Variants in HABP2 observed in about 807,000 individuals in gnomAD.
HABP2 encodes hyaluronan binding protein 2, also known as factor VII-activating protease.
A neutral mutation model predicts 66.5 loss-of-function variants in HABP2; 65 were observed. The ratio of observed to expected loss-of-function variants is 0.98; its 90% CI spans 0.80 to 1.20. The LOEUF (loss-of-function observed/expected upper bound fraction) is 1.20. HABP2 is among the 50% of genes most tolerant of loss of function. The pLI is 0.00. For synonymous variants in HABP2, 263 were observed against 253.9 expected (o/e 1.04, Z -0.34); for missense variants, 786 against 691.0 (o/e 1.14, Z -1.54).
chr10:113,578,035 T>G lies in HABP2; in HGVS notation c.458T>G (p.Val153Gly). The G allele has an allele frequency of 2.5e-6, 4 of 1,614,146 alleles. No homozygotes were observed. The highest frequency in any genetic ancestry group is 3.4e-6 in the Non-Finnish European group (4 of 1,180,014). Residue 153 changes from valine to glycine, a missense_variant, in exon 6 of 13, where the codon GTA becomes GGA. By Grantham distance (109) the Val-to-Gly change is moderately radical. Coordinates refer to ENST00000351270, the MANE Select transcript of HABP2 (RefSeq NM_004132.5). Reference protein sequence around the residue: ...TGPSCSQVVPVCRPNPCQNGA... With the variant: ...TGPSCSQVVPGCRPNPCQNGA... ...ATTCCTGTGTTCACAGTGGTTCCTG[T>G]ATGCAGGCCAAACCCCTGCCAGAAT...
intron 11 of HABP2, among the ~76,000 whole-genome samples, chr10:113,585,370 G>C (rs1845614275): frequency 6.6e-6 from 1 of 152,188 alleles, no homozygotes; most frequent in South Asian, 2.1e-4. Context: ...TGTTTTGATT[G>C]ATGTCATTAT....
At chr10:113,586,012 C>A in intron 12 of HABP2, 74 bp downstream of exon 12, 2 of 1,374,346 alleles carry the variant, frequency 1.5e-6, no homozygotes, top group Non-Finnish European at 2.1e-6. Flanking sequence ...ACCCTTAGAG[C>A]CCTGGGCTGG....
Position 113,588,420 on chromosome 10 carries a change from G to A in HABP2, c.*51G>A, listed in dbSNP as rs761211480. ...CCACTCTCCTTGGCACCCTGACACC[G>A]GGAGGCCTCATGGCCAACAATGGAC... is the stretch of plus-strand genomic sequence containing the variant. On this transcript the variant is annotated 3_prime_UTR_variant, in exon 13 of 13. Transcript: ENST00000351270. The A allele has an allele frequency of 1.8e-4, 258 of 1,474,048 alleles. No individual in the cohort carries two copies. Among genetic ancestry groups the A allele is most frequent in the Non-Finnish European group, 2.3e-4 (246 of 1,078,206 alleles). The allele number at this position is 1,474,048 out of a possible 1,614,324, so 91.3% of individuals were successfully genotyped here.
chr10:113,578,584 C>G, intron 6 of HABP2, 43 bp from the exon 7 acceptor site: 1 of 1,472,480 alleles, frequency 6.8e-7, no homozygotes. Flanking sequence ...GAGTGGCATG[C>G]CAATGGCTGT....
intron 2 of HABP2, 22 bp from the exon 3 acceptor site, chr10:113,574,267 T>C (rs1845366579): frequency 5.1e-6 from 6 of 1,175,176 alleles, no homozygotes; most frequent in Non-Finnish European, 7.7e-6. Context: ...GGATTTCTTC[T>C]GTCCTGTTAC....
intron 9 of HABP2, 95 bp downstream of exon 9, chr10:113,582,226 A>AT: frequency 7.9e-7 from 1 of 1,260,276 alleles, no homozygotes; most frequent in South Asian, 1.5e-5. Flanking sequence ...CTCTGTCAGG[A>AT]TTAGGGGGTC....
At chr10:113,582,481 T>C (rs1845558838) in intron 9 of HABP2, among the ~76,000 whole-genome samples, 1 of 151,688 alleles carries the variant, frequency 6.6e-6, no homozygotes, top group South Asian at 2.1e-4. Context: ...AGGAAAAGAG[T>C]TTATTGTTAT....
In HABP2 at chr10:113,587,889, C is replaced by A. The variant is rs932653; in HGVS notation, c.1519-316C>A. Among the ~76,000 whole-genome samples the A allele has an allele frequency of 0.36, 54,101 of 151,718 alleles. 9,830 individuals carry two copies. Among genetic ancestry groups the A allele is most frequent in the Admixed American group, 0.46 (6,959 of 15,230 alleles). On this transcript the variant is annotated intron_variant, in intron 12 of 12. Transcript: ENST00000351270. The stretch of plus-strand genomic sequence containing the variant: ...GCTGCCTTGGAGTCCCCAACCTCCT[C>A]CCCTATGTGTGCTGAGGGCCCCCGA...
In HABP2 at chr10:113,583,327, TG is replaced by T; in HGVS notation, c.1207del (p.Glu403LysfsTer15). ...AGATATTCAAGTACAGCCACTACAA[TG>T]AAAGAGATGAGATTCCCCACAATGA... ...EKIFKYSHYN[E>X]RDEIPHNDIA... On this transcript the variant is annotated frameshift_variant, in exon 10 of 13. Coordinates refer to ENST00000351270, the MANE Select transcript of HABP2 (RefSeq NM_004132.5). LOFTEE classifies it high-confidence loss of function. The T allele has an allele frequency of 6.2e-7, 1 of 1,612,902 alleles. No individual in the cohort carries two copies. The highest frequency in any genetic ancestry group is 8.5e-7 in the Non-Finnish European group (1 of 1,178,854).
Position 113,589,550 on chromosome 10 carries a change from A to ACACTT in HABP2, c.*1183_*1187dup, listed in dbSNP as rs1845816647. The ACACTT allele has an allele frequency of 1.6e-6, 2 of 1,285,494 alleles. No individual in the cohort carries two copies. The highest frequency in any genetic ancestry group is 2.9e-5 in the South Asian group (2 of 70,140). The allele number at this position is 1,285,494 out of a possible 1,614,324, so 79.6% of individuals were successfully genotyped here. A position where few individuals can be genotyped will look rare whatever the true frequency, so the allele number is the denominator to read the frequency against. ...AGGCGCCTTGTTTGAGCTGCGTTTC[A>ACACTT]CACTTCTTTAGAGCTAGCTGACCTT... On this transcript the variant is annotated 3_prime_UTR_variant, in exon 13 of 13. Coordinates refer to ENST00000351270, the MANE Select transcript of HABP2 (RefSeq NM_004132.5).
chr10:113,576,028 C>T (rs201627312), intron 4 of HABP2, 24 bp downstream of exon 4: 1 of 1,209,508 alleles, frequency 8.3e-7, no homozygotes, highest in African/African-American at 1.5e-5. Flanking sequence ...CACTAGTCCA[C>T]TCTTCCCTCT....
rs962495930 is a variant in HABP2 at position 113,576,107 on chromosome 10, T to G, written c.331+103T>G. On this transcript the variant is annotated intron_variant, in intron 4 of 12. Coordinates refer to ENST00000351270, the MANE Select transcript of HABP2 (RefSeq NM_004132.5). Reference sequence around the variant, plus strand: ...GCAATGCCATGGAAAGGATTATAACTGCAATACTGTATCATGCATAGTGTA... The same window carrying G: ...GCAATGCCATGGAAAGGATTATAACGGCAATACTGTATCATGCATAGTGTA... 2.1e-5 allele frequency: 15 copies of G among 727,368 alleles called. No individual in the cohort carries two copies. The South Asian group carries it at 2.4e-4, about 12-fold the overall frequency. The allele number at this position is 727,368 out of a possible 1,614,324, so 45.1% of individuals were successfully genotyped here.
chr10:113,583,154 G>A, intron 9 of HABP2, 62 bp from the exon 10 acceptor site: 4 of 1,523,302 alleles, frequency 2.6e-6, no homozygotes, highest in Non-Finnish European at 3.6e-6. Context: ...GGTCAGATTT[G>A]CCAAAGGCCA....
chr10:113,575,314 T>C (rs1845388771), intron 3 of HABP2, among the ~76,000 whole-genome samples: 1 of 152,156 alleles, frequency 6.6e-6, no homozygotes, highest in Non-Finnish European at 1.5e-5. Flanking sequence ...CAGGCACAGA[T>C]GAAATATGAC....
intron 1 of HABP2, 28 bp from the exon 2 acceptor site, chr10:113,567,461 T>A (rs570810637): frequency 9.4e-6 from 15 of 1,593,358 alleles, no homozygotes; most frequent in African/African-American, 9.4e-5. Context: ...ATCTCAACGC[T>A]GATCTGCTGT....
intron 1 of HABP2, among the ~76,000 whole-genome samples, chr10:113,560,714 T>C (rs1845084688): frequency 6.6e-6 from 1 of 152,212 alleles, no homozygotes; most frequent in Non-Finnish European, 1.5e-5. Flanking sequence ...GTTTGATACA[T>C]GCTACCTAGA....
At chr10:113,563,027 T>C (rs749431797) in intron 1 of HABP2, among the ~76,000 whole-genome samples, 3 of 152,182 alleles carry the variant, frequency 2.0e-5, no homozygotes, top group African/African-American at 4.8e-5. Context: ...CACCTCTAAA[T>C]TGGATATAAT....
At chr10:113,578,855 C>T (rs1845466779) in intron 7 of HABP2, 57 bp downstream of exon 7, 2 of 1,144,630 alleles carry the variant, frequency 1.7e-6, no homozygotes, top group Non-Finnish European at 2.6e-6. Flanking sequence ...TAAAACAGAT[C>T]ATTGAAATTC....
chr10:113,588,796 A>C lies in HABP2; in HGVS notation c.*427A>C. On this transcript the variant is annotated 3_prime_UTR_variant, in exon 13 of 13. Transcript: ENST00000351270. The stretch of plus-strand genomic sequence containing the variant: ...CAGAATCAGCCATCCACGTCTAGGT[A>C]TCAGAGAGGACCACAAATACAACAT... 1 of 609,144 alleles carries C rather than the reference A, an allele frequency of 1.6e-6. No homozygotes were observed. Among genetic ancestry groups the C allele is most frequent in the Non-Finnish European group, 2.9e-6 (1 of 342,582 alleles). 37.7% of individuals were successfully genotyped at this position (609,144 alleles called of 1,614,324 possible).
Sources: allele counts gnomAD v4.1 joint callset (sites outside exome capture counted in the v4.1 genomes callset), GRCh38; gene constraint gnomAD v4.1.1; transcripts MANE v1.5; gene names NCBI Gene and HGNC (gene_info 2026-07-23, HGNC 2026-07-21).